The following TLL1 variants were observed in gnomAD, a reference collection of about 807,000 sequenced individuals.
The protein encoded by TLL1 is tolloid-like protein 1.
Under a neutral mutation model 128.2 loss-of-function variants are expected in TLL1, and 49 were observed. That is an observed-to-expected ratio of 0.38 (90% CI 0.30 to 0.48). The LOEUF (loss-of-function observed/expected upper bound fraction) is 0.48. Among genes scored for constraint, TLL1 ranks in the 20% least tolerant of loss-of-function variants. TLL1 has a pLI of 0.96. For missense variants in TLL1, 1,123 were observed against 1,242.0 expected (o/e 0.90, Z 1.44); for synonymous variants, 454 against 418.8 (o/e 1.08, Z -1.03).
intron 1 of TLL1, among the ~76,000 whole-genome samples, chr4:165,890,696 A>G (rs1731361683): frequency 6.6e-6 from 1 of 152,184 alleles, no homozygotes; most frequent in African/African-American, 2.4e-5. Context: ...TGCTGGGTAC[A>G]GCTTCTCTCC....
chr4:166,069,380 C>G (rs906713689), intron 16 of TLL1, among the ~76,000 whole-genome samples: 30 of 151,616 alleles, frequency 2.0e-4, no homozygotes, highest in Middle Eastern at 3.2e-3. Flanking sequence ...GTTCCACACT[C>G]TTTTTCCAAG....
At chr4:166,092,420 GCTT>G (rs1213040152) in intron 19 of TLL1, among the ~76,000 whole-genome samples, 6 of 151,888 alleles carry the variant, frequency 4.0e-5, no homozygotes, top group African/African-American at 7.3e-5. Context: ...CAAATTAATT[GCTT>G]CTTATGATTA....
intron 18 of TLL1, among the ~76,000 whole-genome samples, chr4:166,085,709 G>A (rs1468696209): frequency 6.6e-6 from 1 of 151,948 alleles, no homozygotes; most frequent in East Asian, 1.9e-4. Context: ...TTTCATCTAT[G>A]TTCATTAGTG....
At chr4:166,059,910 A>T (rs1339523419) in intron 14 of TLL1, 118 bp from the exon 15 acceptor site, 1 of 1,267,522 alleles carries the variant, frequency 7.9e-7, no homozygotes, top group Non-Finnish European at 1.1e-6. Context: ...TGGATTTTAA[A>T]ATCCAGAAGA....
intron 8 of TLL1, among the ~76,000 whole-genome samples, chr4:166,020,831 A>G (rs1430514524): frequency 2.0e-5 from 3 of 152,016 alleles, no homozygotes; most frequent in Non-Finnish European, 2.9e-5. Context: ...TCTAAAAATA[A>G]AGGGATTTTG....
intron 1 of TLL1, among the ~76,000 whole-genome samples, chr4:165,923,343 A>C (rs890532894): frequency 4.0e-5 from 6 of 151,498 alleles, no homozygotes; most frequent in Admixed American, 4.0e-4. Context: ...TGACAAATCA[A>C]ATATTCAAAG....
chr4:165,890,566 G>T (rs2874791), intron 1 of TLL1, among the ~76,000 whole-genome samples: 75,571 of 152,116 alleles, frequency 0.5, 20,150 homozygotes, highest in East Asian at 0.87. Context: ...TGGAATCAAG[G>T]GGGGCAGTCA....
intron 12 of TLL1, among the ~76,000 whole-genome samples, chr4:166,049,416 G>A (rs1205074834): frequency 6.6e-6 from 1 of 152,022 alleles, no homozygotes; most frequent in African/African-American, 2.4e-5. Flanking sequence ...GTCCATCAGA[G>A]GCATGTCTGT....
chr4:166,003,718 A>G lies in TLL1; in HGVS notation c.811+149A>G, dbSNP rs1009711342. The stretch of plus-strand genomic sequence containing the variant: ...TTTGCTTGATTAAAAATCACCCATG[A>G]TGATTTTATATTTTATTTTATTTTT... On this transcript the variant is annotated intron_variant, in intron 6 of 20. Transcript: ENST00000061240. 22 of 798,198 alleles carry G rather than the reference A, an allele frequency of 2.8e-5. No homozygotes were observed. In the African/African-American group the frequency reaches 2.8e-4, roughly 10 times the overall value. 49.4% of individuals were successfully genotyped at this position (798,198 alleles called of 1,614,324 possible).
chr4:166,000,144 A>G (rs1737079327), intron 5 of TLL1, among the ~76,000 whole-genome samples: 1 of 152,236 alleles, frequency 6.6e-6, no homozygotes, highest in African/African-American at 2.4e-5. Context: ...TAAAAGTGGC[A>G]CACAAATGAG....
At chr4:166,048,113 G>A (rs146629303) in intron 12 of TLL1, among the ~76,000 whole-genome samples, 1,609 of 151,986 alleles carry the variant, frequency 0.011, 12 homozygotes, top group Middle Eastern at 0.027. Flanking sequence ...GTGGGCGCCC[G>A]TAATCCCAGC....
intron 16 of TLL1, among the ~76,000 whole-genome samples, chr4:166,070,309 C>T (rs1344564268): frequency 7.9e-5 from 12 of 151,778 alleles, no homozygotes; most frequent in Admixed American, 7.9e-4. Context: ...TTGAGCATAA[C>T]AGAAATATTA....
rs116134567 is a variant in TLL1, at chr4:166,065,757, C to T, written c.2082C>T (p.Gly694=). 330 of 1,612,982 alleles carry T rather than the reference C, an allele frequency of 2.0e-4. No individual in the cohort carries two copies. In the East Asian group the frequency reaches 4.2e-3, roughly 21 times the overall value. ...SESKLHGKFC[G]AEVPEVITSQ... ...CTAAACTGCATGGCAAATTCTGTGG[C>T]GCTGAAGTGCCTGAAGTGATCACAT... The change falls in exon 16 of 21, where the codon GGC becomes GGT. Residue 694 remains glycine, a synonymous_variant. Coordinates refer to ENST00000061240, the MANE Select transcript of TLL1 (RefSeq NM_012464.5).
chr4:165,974,687 T>C (rs1263319384), intron 1 of TLL1, among the ~76,000 whole-genome samples: 1 of 152,218 alleles, frequency 6.6e-6, no homozygotes, highest in Non-Finnish European at 1.5e-5. Flanking sequence ...TTTTACAATT[T>C]ACCATCAGTA....
At chr4:166,090,324 C>G (rs896526364) in intron 18 of TLL1, among the ~76,000 whole-genome samples, 3 of 152,024 alleles carry the variant, frequency 2.0e-5, no homozygotes, top group Non-Finnish European at 4.4e-5. Context: ...ATAGCTTGGA[C>G]AATATTATTT....
chr4:165,908,867 T>C (rs984474084), intron 1 of TLL1, among the ~76,000 whole-genome samples: 3 of 152,056 alleles, frequency 2.0e-5, no homozygotes, highest in African/African-American at 2.4e-5. Flanking sequence ...ATTTTGAAGG[T>C]AGAGCCAACT....
Position 165,873,795 on chromosome 4 carries a change from G to A in TLL1, c.-110G>A. ...CTGAGCACCCCGGTCCCGCCGAGGA[G>A]CCTCCGGGTGGGGAGAAGAGCACCG... On this transcript the variant is annotated 5_prime_UTR_variant, in exon 1 of 21. Coordinates refer to ENST00000061240, the MANE Select transcript of TLL1 (RefSeq NM_012464.5). 7.8e-7 allele frequency: 1 copy of A among 1,285,754 alleles called. No individual in the cohort carries two copies. Among genetic ancestry groups the A allele is most frequent in the Non-Finnish European group, 1.1e-6 (1 of 899,864 alleles). 79.6% of individuals were successfully genotyped at this position (1,285,754 alleles called of 1,614,324 possible).
At chr4:166,062,683 C>T (rs1480918938) in intron 15 of TLL1, among the ~76,000 whole-genome samples, 1 of 152,116 alleles carries the variant, frequency 6.6e-6, no homozygotes, top group East Asian at 1.9e-4. Flanking sequence ...ATTTGACTTC[C>T]TCTTTTCCTA....
intron 1 of TLL1, among the ~76,000 whole-genome samples, chr4:165,888,005 A>G (rs1731240884): frequency 6.6e-6 from 1 of 152,238 alleles, no homozygotes; most frequent in Admixed American, 6.6e-5. Flanking sequence ...TTATTCCAAC[A>G]TTCTTGACAG....
Sources: gnomAD v4.1 joint callset for allele counts (sites outside exome capture counted in the v4.1 genomes callset) on GRCh38, gnomAD v4.1.1 for gene constraint, MANE v1.5 for transcripts, NCBI Gene and HGNC (gene_info 2026-07-23, HGNC 2026-07-21) for gene names.